Variants in TRAF3 observed in about 807,000 individuals in gnomAD.
TRAF3 encodes TNF receptor-associated factor 3.
A neutral mutation model predicts 62.3 loss-of-function variants in TRAF3; 13 were observed. The observed-to-expected ratio is 0.21, with a 90% CI of 0.14 to 0.33. TRAF3 has a LOEUF of 0.33. Ranked by LOEUF, TRAF3 falls within the 10% of genes least tolerant of loss-of-function variation. The probability of loss-of-function intolerance (pLI) is 1.00; values close to 1 mark genes in which losing one functional copy is unlikely to be tolerated. For synonymous variants in TRAF3, 269 were observed against 283.4 expected, an observed-to-expected ratio of 0.95 and a Z score of 0.51; for missense variants, 440 against 741.8, an observed-to-expected ratio of 0.59 and a Z score of 4.73.
intron 2 of TRAF3, among the ~76,000 whole-genome samples, chr14:102,838,107 G>A (rs79399277): frequency 0.023 from 3,521 of 152,324 alleles, 127 homozygotes; most frequent in African/African-American, 0.08. Context: ...GCTTAGTAAC[G>A]TATCGTGTTG....
Position 102,847,315 on chromosome 14 carries a change from C to T in TRAF3, c.-18+16843C>T, listed in dbSNP as rs574394542. Among the ~76,000 whole-genome samples, 1,235 of 152,290 alleles carry T rather than the reference C, an allele frequency of 8.1e-3. 21 individuals carry two copies. Among genetic ancestry groups the T allele is most frequent in the African/African-American group, 0.028 (1,172 of 41,544 alleles). ...TTAGCCTCCCAAGTAGCTGGGATTACAGGTGTGTGCCACCACGCCCAGCTA... is the reference window on the plus strand; with the variant it reads ...TTAGCCTCCCAAGTAGCTGGGATTATAGGTGTGTGCCACCACGCCCAGCTA... On this transcript the variant is annotated intron_variant, in intron 2 of 11. Coordinates refer to ENST00000392745, the MANE Select transcript of TRAF3 (RefSeq NM_145725.3).
chr14:102,824,164 A>G (rs1900154863), intron 1 of TRAF3, among the ~76,000 whole-genome samples: 4 of 152,094 alleles, frequency 2.6e-5, no homozygotes, highest in Admixed American at 6.5e-5. Context: ...TACAGTTCAG[A>G]TTCCCATTTA....
intron 6 of TRAF3, among the ~76,000 whole-genome samples, chr14:102,878,351 AGT>A (rs1157922041): frequency 2.0e-5 from 2 of 102,094 alleles, no homozygotes; most frequent in African/African-American, 8.0e-5. Context: ...AATGTGGGTG[AGT>A]GTGTGGGGGT....
intron 10 of TRAF3, 40 bp downstream of exon 10, chr14:102,897,441 G>A: frequency 6.2e-7 from 1 of 1,610,422 alleles, no homozygotes; most frequent in Non-Finnish European, 8.5e-7. Flanking sequence ...AAGGGTGGAG[G>A]AGCTTGCCTG....
chr14:102,788,170 T>G (rs1056587666), intron 1 of TRAF3, among the ~76,000 whole-genome samples: 1 of 152,106 alleles, frequency 6.6e-6, no homozygotes, highest in Non-Finnish European at 1.5e-5. Flanking sequence ...AGAATGTATT[T>G]CTATTACCTT....
At chr14:102,796,094 G>A (rs1486907693) in intron 1 of TRAF3, among the ~76,000 whole-genome samples, 3 of 152,228 alleles carry the variant, frequency 2.0e-5, no homozygotes, top group African/African-American at 7.2e-5. Context: ...TCGGGTGCCT[G>A]TAATCCCAGC....
At chr14:102,883,381 G>GT (rs2139900181) in intron 6 of TRAF3, among the ~76,000 whole-genome samples, 1 of 152,284 alleles carries the variant, frequency 6.6e-6, no homozygotes, top group East Asian at 1.9e-4. Flanking sequence ...ATGAAACAGT[G>GT]TTTCATTTGG....
chr14:102,850,461 C>A (rs1457385749), intron 2 of TRAF3, among the ~76,000 whole-genome samples: 1 of 151,948 alleles, frequency 6.6e-6, no homozygotes, highest in Non-Finnish European at 1.5e-5. Context: ...CTTTGGGAGG[C>A]CGAGATGGGT....
chr14:102,811,149 CT>C (rs774559083), intron 1 of TRAF3, among the ~76,000 whole-genome samples: 3 of 152,196 alleles, frequency 2.0e-5, no homozygotes, highest in Middle Eastern at 3.2e-3. Context: ...GCATTATACA[CT>C]TTGTATCTCA....
At chr14:102,874,571 TAAAAA>T (rs1056810333) in intron 4 of TRAF3, among the ~76,000 whole-genome samples, 1 of 151,656 alleles carries the variant, frequency 6.6e-6, no homozygotes, top group African/African-American at 2.4e-5. Context: ...CCCTGTCTCT[TAAAAA>T]AAGAGTGAGA....
intron 2 of TRAF3, among the ~76,000 whole-genome samples, chr14:102,844,281 GT>G (rs1254773007): frequency 1.3e-5 from 2 of 152,206 alleles, no homozygotes. Flanking sequence ...GTTGTTTTAA[GT>G]AAGTAAAAAG....
intron 1 of TRAF3, among the ~76,000 whole-genome samples, chr14:102,815,214 C>A (rs1262511001): frequency 2.0e-5 from 3 of 152,228 alleles, no homozygotes; most frequent in Non-Finnish European, 4.4e-5. Context: ...GTTGGGATTA[C>A]AGATGTGAGC....
intron 1 of TRAF3, among the ~76,000 whole-genome samples, chr14:102,820,302 G>C (rs575324777): frequency 2.0e-5 from 3 of 151,936 alleles, no homozygotes; most frequent in Non-Finnish European, 4.4e-5. Flanking sequence ...AAGGAGGAAA[G>C]GGCCGACTCC....
intron 1 of TRAF3, among the ~76,000 whole-genome samples, chr14:102,785,554 A>G (rs1897457002): frequency 6.6e-6 from 1 of 152,250 alleles, no homozygotes. Context: ...CACTCTGCAG[A>G]GAGCATAATG....
Position 102,903,565 on chromosome 14 carries a change from A to G in TRAF3, c.1135+136A>G. 3 of 1,271,526 alleles carry G rather than the reference A, an allele frequency of 2.4e-6. No homozygotes were observed. The highest frequency in any genetic ancestry group is 3.3e-6 in the Non-Finnish European group (3 of 901,520). The allele number at this position is 1,271,526 out of a possible 1,614,324, so 78.8% of individuals were successfully genotyped here. A position where few individuals can be genotyped will look rare whatever the true frequency, so the allele number is the denominator to read the frequency against. On this transcript the variant is annotated intron_variant, in intron 11 of 11. Coordinates refer to ENST00000392745, the MANE Select transcript of TRAF3 (RefSeq NM_145725.3). The surrounding 1 kb of genome is among the most constrained non-coding windows in gnomAD (Gnocchi z 6.4). ...TTTTTTCTAATTATGGGTAACACGCAGAGGTGTGATGACTTTCCTACTGAA... is the reference window on the plus strand; with the variant it reads ...TTTTTTCTAATTATGGGTAACACGCGGAGGTGTGATGACTTTCCTACTGAA...
At position 102,903,737 on chromosome 14, in the gene TRAF3, C is replaced by CA. The variant is rs1384294467; in HGVS notation, c.1135+309dup. ...ACTGGCCGCAGGGTGACCCACAGGA[C>CA]AGGCCCAAGCGCAGATGGCAGAGGC... is the stretch of plus-strand genomic sequence containing the variant. On this transcript the variant is annotated intron_variant, in intron 11 of 11. Coordinates refer to ENST00000392745, the MANE Select transcript of TRAF3 (RefSeq NM_145725.3). The surrounding 1 kb of genome is among the most constrained non-coding windows in gnomAD (Gnocchi z 6.4). The CA allele has an allele frequency of 3.8e-6, 2 of 525,442 alleles. No homozygotes were observed. The highest frequency in any genetic ancestry group is 4.5e-5 in the Admixed American group (2 of 44,384). 32.5% of individuals were successfully genotyped at this position (525,442 alleles called of 1,614,324 possible). A position where few individuals can be genotyped will look rare whatever the true frequency, so the allele number is the denominator to read the frequency against.
At chr14:102,814,517 T>C (rs1417566581) in intron 1 of TRAF3, among the ~76,000 whole-genome samples, 6 of 152,184 alleles carry the variant, frequency 3.9e-5, no homozygotes, top group Non-Finnish European at 7.3e-5. Flanking sequence ...TTAATTATCT[T>C]GATTTCTTTT....
chr14:102,870,118 T>C, intron 2 of TRAF3, 67 bp from the exon 3 acceptor site: 2 of 1,611,002 alleles, frequency 1.2e-6, no homozygotes, highest in Non-Finnish European at 8.5e-7. Flanking sequence ...ACTTTTGCTT[T>C]CCCAAAGCTG....
intron 1 of TRAF3, among the ~76,000 whole-genome samples, chr14:102,779,952 C>T (rs1055905245): frequency 2.0e-5 from 3 of 152,190 alleles, no homozygotes; most frequent in Admixed American, 2.0e-4. Flanking sequence ...CCCTTAGGGT[C>T]CACTCCATGG....
Sources: allele counts gnomAD v4.1 joint callset (sites outside exome capture counted in the v4.1 genomes callset), GRCh38; gene constraint gnomAD v4.1.1; non-coding constraint Gnocchi (gnomAD v3.1); transcripts MANE v1.5; gene names NCBI Gene and HGNC (gene_info 2026-07-23, HGNC 2026-07-21).